SDHB: variants seen among roughly 807,000 people sequenced by gnomAD.
The protein encoded by SDHB is succinate dehydrogenase [ubiquinone] iron-sulfur subunit, mitochondrial.
Under a neutral mutation model 39.7 loss-of-function variants are expected in SDHB, and 21 were observed. The observed-to-expected ratio is 0.53, with a 90% CI of 0.37 to 0.76. SDHB has a LOEUF of 0.76. SDHB is among the 30% of genes least tolerant of loss of function. SDHB has a pLI of 0.00. For synonymous variants in SDHB, 118 were observed against 117.0 expected, an observed-to-expected ratio of 1.01 and a Z score of -0.06; for missense variants, 343 against 350.9, an observed-to-expected ratio of 0.98 and a Z score of 0.18.
At chr1:17,030,871 G>A (rs12143126) in intron 3 of SDHB, among the ~76,000 whole-genome samples, 63,774 of 151,574 alleles carry the variant, frequency 0.42, 15,072 homozygotes, top group Non-Finnish European at 0.54. Flanking sequence ...TAGTAGAGAC[G>A]GGGTTTTACC....
intron 1 of SDHB, chr1:17,045,324 G>C (rs1422948098): frequency 4.2e-6 from 1 of 239,424 alleles, no homozygotes; most frequent in Non-Finnish European, 8.4e-6. Flanking sequence ...GAAGGAGTGT[G>C]GGGTGTGGTC....
intron 2 of SDHB, among the ~76,000 whole-genome samples, chr1:17,039,269 A>T (rs544728672): frequency 5.3e-5 from 8 of 151,864 alleles, no homozygotes; most frequent in Non-Finnish European, 1.0e-4. Context: ...CTTTTTAGCT[A>T]TATCTCTTTG....
At chr1:17,036,329 C>T (rs2078050028) in intron 2 of SDHB, among the ~76,000 whole-genome samples, 3 of 152,064 alleles carry the variant, frequency 2.0e-5, no homozygotes, top group Admixed American at 2.0e-4. Context: ...ATTTTTGAGA[C>T]AGGATCTCAC....
At chr1:17,027,979 A>G in intron 4 of SDHB, 114 bp from the exon 5 acceptor site, 1 of 710,540 alleles carries the variant, frequency 1.4e-6, no homozygotes, top group Non-Finnish European at 2.5e-6. Context: ...ACTCTATGCC[A>G]GGCAGAAGCC....
In SDHB at chr1:17,042,042, C is replaced by T. The variant is rs558821483; in HGVS notation, c.200+2719G>A. ...GTTCAAGTGATTCTCCCCCATTAGC[C>T]TCCCAAGTGGCTGGGATTACAGGCA... On this transcript the variant is annotated intron_variant, in intron 2 of 7. Transcript: ENST00000375499. 3.3e-5 allele frequency among the ~76,000 whole-genome samples: 5 copies of T among 152,258 alleles called. No homozygotes were observed. The East Asian group carries it at 9.7e-4, about 29-fold the overall frequency.
chr1:17,044,231 C>T (rs1387960742), intron 2 of SDHB, among the ~76,000 whole-genome samples: 1 of 151,856 alleles, frequency 6.6e-6, no homozygotes, highest in African/African-American at 2.4e-5. Context: ...AAATACTGTG[C>T]ATAAAGTTAA....
intron 2 of SDHB, among the ~76,000 whole-genome samples, chr1:17,040,840 A>AT (rs2078076029): frequency 6.6e-6 from 1 of 151,816 alleles, no homozygotes; most frequent in South Asian, 2.1e-4. Flanking sequence ...TTAAGAACAG[A>AT]TAATTTCGGC....
chr1:17,023,317 A>C (rs2077973221), intron 6 of SDHB, among the ~76,000 whole-genome samples: 1 of 152,314 alleles, frequency 6.6e-6, no homozygotes, highest in African/African-American at 2.4e-5. Flanking sequence ...AGTGACAAGT[A>C]TGAGTGTACT....
chr1:17,038,066 G>C (rs1296362932), intron 2 of SDHB, among the ~76,000 whole-genome samples: 1 of 152,146 alleles, frequency 6.6e-6, no homozygotes, highest in Non-Finnish European at 1.5e-5. Context: ...TTGAATCCGG[G>C]AGGCGGAGGT....
intron 5 of SDHB, among the ~76,000 whole-genome samples, chr1:17,027,363 A>G (rs1434822173): frequency 6.6e-6 from 1 of 152,236 alleles, no homozygotes; most frequent in African/African-American, 2.4e-5. Context: ...CCATTTGTAA[A>G]GCAGGACGGT....
rs1168896932 is a variant in SDHB, at chr1:17,022,812, G to A, written c.643-82C>T. On this transcript the variant is annotated intron_variant, in intron 6 of 7. Coordinates refer to ENST00000375499, the MANE Select transcript of SDHB (RefSeq NM_003000.3). ...TGGCTCAACTCAAAGCTCTGGGAGT[G>A]CAGAGGAAAGGGAATTCACTCAGCT... 7.9e-6 allele frequency: 12 copies of A among 1,528,534 alleles called. No homozygotes were observed. In the East Asian group the frequency reaches 2.6e-4, roughly 34 times the overall value. The allele number at this position is 1,528,534 out of a possible 1,614,324, so 94.7% of individuals were successfully genotyped here.
chr1:17,021,871 A>T (rs2077963841), intron 7 of SDHB, among the ~76,000 whole-genome samples: 2 of 152,262 alleles, frequency 1.3e-5, no homozygotes. Context: ...CTGTGCGTCA[A>T]ATAAACTTCT....
chr1:17,028,766 C>T, intron 3 of SDHB, 30 bp from the exon 4 acceptor site: 1 of 1,611,856 alleles, frequency 6.2e-7, no homozygotes, highest in Non-Finnish European at 8.5e-7. Context: ...AACACATCCT[C>T]ACCCATATCC....
At chr1:17,045,038 A>G (rs1010439276) in intron 1 of SDHB, 150 bp from the exon 2 acceptor site, 5 of 712,318 alleles carry the variant, frequency 7.0e-6, no homozygotes, top group Non-Finnish European at 9.6e-6. Context: ...TCAATATCCA[A>G]CAAGTATTAA....
intron 2 of SDHB, among the ~76,000 whole-genome samples, chr1:17,042,727 G>GT (rs1415756730): frequency 6.6e-6 from 1 of 151,948 alleles, no homozygotes; most frequent in African/African-American, 2.4e-5. Context: ...ACAGTGAACC[G>GT]TGAGCATGCC....
chr1:17,028,248 A>G (rs1295468878), intron 4 of SDHB, among the ~76,000 whole-genome samples: 1 of 152,174 alleles, frequency 6.6e-6, no homozygotes, highest in Non-Finnish European at 1.5e-5. Context: ...TGGCCAAATT[A>G]TTCATTTCTG....
At chr1:17,023,016 T>G in intron 6 of SDHB, 1 of 395,168 alleles carries the variant, frequency 2.5e-6, no homozygotes, top group East Asian at 5.6e-5. Flanking sequence ...CATTGCTCAA[T>G]AGCTTCCTAC....
intron 2 of SDHB, among the ~76,000 whole-genome samples, chr1:17,038,915 G>T (rs2078063945): frequency 6.6e-6 from 1 of 152,100 alleles, no homozygotes. Flanking sequence ...ATATATTAAA[G>T]CAATCAAATG....
Position 17,044,878 on chromosome 1 carries a change from C to T in SDHB, c.83G>A (p.Gly28Glu). ...LGGACLQASR[G>E]AQTAAATAPR... ...AGCTGTGGCTGCAGCTGTCTGGGCT[C>T]CTCGGGAGGCCTGAAATTTTTTAAA... is the stretch of plus-strand genomic sequence containing the variant. The change falls in exon 2 of 8, where the codon GGA becomes GAA. Residue 28 changes from glycine (G) to glutamate (E), a missense_variant. Gly to Glu is a moderately conservative substitution (Grantham distance 98, BLOSUM62 -2). Transcript: ENST00000375499. The T allele has an allele frequency of 6.2e-7, 1 of 1,613,646 alleles. No individual in the cohort carries two copies. The highest frequency in any genetic ancestry group is 8.5e-7 in the Non-Finnish European group (1 of 1,179,948).
Sources: allele counts gnomAD v4.1 joint callset (sites outside exome capture counted in the v4.1 genomes callset), GRCh38; gene constraint gnomAD v4.1.1; transcripts MANE v1.5; gene names NCBI Gene and HGNC (gene_info 2026-07-23, HGNC 2026-07-21).